SNX29: variants seen among roughly 807,000 people sequenced by gnomAD.
SNX29 encodes the protein sorting nexin 29, also known as sorting nexin-29.
In SNX29, 78 loss-of-function variants were observed where a neutral mutation model predicts 102.1. The observed-to-expected ratio is 0.76, with a 90% CI of 0.64 to 0.92. SNX29 has a LOEUF of 0.92. SNX29 is among the 40% of genes least tolerant of loss of function. The pLI is 0.00. For synonymous variants in SNX29, 580 were observed against 414.5 expected (o/e 1.40, Z -4.85); for missense variants, 1,280 against 1,061.7 (o/e 1.21, Z -2.86).
At chr16:12,422,277 A>G (rs910500589) in intron 18 of SNX29, among the ~76,000 whole-genome samples, 7 of 152,216 alleles carry the variant, frequency 4.6e-5, no homozygotes, top group Admixed American at 1.3e-4. Flanking sequence ...AACAGAGATG[A>G]AAATACCTCC....
At chr16:12,258,006 C>T (rs947507142) in intron 14 of SNX29, among the ~76,000 whole-genome samples, 1 of 152,148 alleles carries the variant, frequency 6.6e-6, no homozygotes, top group African/African-American at 2.4e-5. Flanking sequence ...TGGGTCAGGC[C>T]CCCAGAGTCT....
At chr16:12,237,146 G>C (rs1272472849) in intron 14 of SNX29, among the ~76,000 whole-genome samples, 1 of 152,206 alleles carries the variant, frequency 6.6e-6, no homozygotes, top group East Asian at 1.9e-4. Flanking sequence ...CCAGTCTCCA[G>C]AGTAGGCAGG....
chr16:12,563,437 T>C (rs1285835116), intron 20 of SNX29, among the ~76,000 whole-genome samples: 1 of 152,188 alleles, frequency 6.6e-6, no homozygotes, highest in Non-Finnish European at 1.5e-5. Flanking sequence ...GGTATGTCCT[T>C]TGCAGGTAAA....
intron 11 of SNX29, among the ~76,000 whole-genome samples, chr16:12,117,469 C>T (rs2141314971): frequency 6.6e-6 from 1 of 151,864 alleles, no homozygotes; most frequent in South Asian, 2.1e-4. Context: ...CGCGGACGAA[C>T]CGTGGAAACA....
chr16:12,320,724 G>A (rs936871737), intron 15 of SNX29, among the ~76,000 whole-genome samples: 12 of 152,112 alleles, frequency 7.9e-5, no homozygotes, highest in African/African-American at 1.9e-4. Flanking sequence ...AAATGAGGCC[G>A]ATAAGAGAAC....
chr16:12,569,107 G>A lies in SNX29; in HGVS notation c.*478G>A, dbSNP rs1317161931. 7.8e-6 allele frequency: 1 copy of A among 127,532 alleles called. No individual in the cohort carries two copies. The highest frequency in any genetic ancestry group is 3.6e-5 in the African/African-American group (1 of 28,078). The allele number at this position is 127,532 out of a possible 1,614,324, so 7.9% of individuals were successfully genotyped here. ...AAGGTTATTACCTGGCCTAACCTAG[G>A]GATGGCTGGCTTTGCGGGGGGGGGG... On this transcript the variant is annotated 3_prime_UTR_variant, in exon 21 of 21. Coordinates refer to ENST00000566228, the MANE Select transcript of SNX29 (RefSeq NM_032167.5).
At chr16:12,498,482 A>G (rs887819773) in intron 19 of SNX29, among the ~76,000 whole-genome samples, 1 of 152,232 alleles carries the variant, frequency 6.6e-6, no homozygotes, top group Non-Finnish European at 1.5e-5. Context: ...AAGTAAATAC[A>G]GAGAGGGCTG....
intron 16 of SNX29, among the ~76,000 whole-genome samples, chr16:12,393,412 G>GCATGCATT (rs1555527354): frequency 2.3e-4 from 32 of 138,488 alleles, no homozygotes; most frequent in Non-Finnish European, 2.9e-4. Context: ...ATGCATGCAT[G>GCATGCATT]CATTCATTCA....
intron 4 of SNX29, among the ~76,000 whole-genome samples, chr16:12,031,828 C>CA (rs145510898): frequency 0.45 from 66,976 of 149,636 alleles, 15,390 homozygotes; most frequent in Non-Finnish European, 0.5. Flanking sequence ...GCAAAACGAA[C>CA]AAAAAAAAAA....
Position 12,048,359 on chromosome 16 carries a change from T to C in SNX29, c.500-13T>C. On this transcript the variant is annotated splice_polypyrimidine_tract_variant and intron_variant, in intron 6 of 20. Coordinates refer to ENST00000566228, the MANE Select transcript of SNX29 (RefSeq NM_032167.5). Reference sequence around the variant, plus strand: ...TCAGCAAGCACTCCAGACTTTTCCCTTTTTTTGGGCAGGTCTGAACTCCAT... The same window carrying C: ...TCAGCAAGCACTCCAGACTTTTCCCCTTTTTTGGGCAGGTCTGAACTCCAT... 6.2e-7 allele frequency: 1 copy of C among 1,611,526 alleles called. No individual in the cohort carries two copies. Among genetic ancestry groups the C allele is most frequent in the Non-Finnish European group, 8.5e-7 (1 of 1,178,108 alleles).
chr16:12,078,792 C>T, intron 10 of SNX29, 41 bp from the exon 11 acceptor site: 1 of 1,539,796 alleles, frequency 6.5e-7, no homozygotes, highest in Non-Finnish European at 8.8e-7. Flanking sequence ...TGTGTACTTT[C>T]AGTGGCCGAG....
chr16:12,513,620 C>T (rs992546024), intron 19 of SNX29, among the ~76,000 whole-genome samples: 1 of 152,208 alleles, frequency 6.6e-6, no homozygotes, highest in Non-Finnish European at 1.5e-5. Context: ...ACGCCGTTGC[C>T]CCGCTGATTG....
chr16:12,483,729 C>T (rs1054367518), intron 19 of SNX29, among the ~76,000 whole-genome samples: 2 of 152,184 alleles, frequency 1.3e-5, no homozygotes, highest in Non-Finnish European at 1.5e-5. Flanking sequence ...CTCTGTCCAT[C>T]GTGGGTTGGC....
At chr16:12,361,262 C>T (rs1229810122) in intron 16 of SNX29, among the ~76,000 whole-genome samples, 1 of 152,174 alleles carries the variant, frequency 6.6e-6, no homozygotes, top group African/African-American at 2.4e-5. Context: ...GCTAGCCTTG[C>T]AAGAGAGGGG....
At chr16:12,468,044 C>G (rs1026290488) in intron 18 of SNX29, among the ~76,000 whole-genome samples, 1 of 152,094 alleles carries the variant, frequency 6.6e-6, no homozygotes, top group African/African-American at 2.4e-5. Context: ...CCCTCGTCCT[C>G]CCTGCCCCAG....
intron 18 of SNX29, among the ~76,000 whole-genome samples, chr16:12,466,099 T>C (rs1395719260): frequency 6.6e-6 from 1 of 152,224 alleles, no homozygotes; most frequent in African/African-American, 2.4e-5. Flanking sequence ...CAACGATGTG[T>C]ACTCCTGCCG....
intron 6 of SNX29, among the ~76,000 whole-genome samples, chr16:12,047,130 G>T (rs1426689789): frequency 6.6e-6 from 1 of 152,186 alleles, no homozygotes; most frequent in African/African-American, 2.4e-5. Flanking sequence ...CTGTGAGGTG[G>T]GAATCATGCT....
intron 15 of SNX29, among the ~76,000 whole-genome samples, chr16:12,333,280 G>T (rs891266059): frequency 1.5e-4 from 22 of 151,570 alleles, no homozygotes; most frequent in African/African-American, 5.1e-4. Context: ...TAATTTTTGT[G>T]TATTTTAGTA....
chr16:12,564,935 A>T (rs1453937641), intron 20 of SNX29, among the ~76,000 whole-genome samples: 12 of 744 alleles, frequency 0.016, no homozygotes, highest in Non-Finnish European at 0.055. Context: ...CCTTGGTGTT[A>T]AAAAAAAAAA....
Sources: gnomAD v4.1 joint callset for allele counts (sites outside exome capture counted in the v4.1 genomes callset) on GRCh38, gnomAD v4.1.1 for gene constraint, MANE v1.5 for transcripts, NCBI Gene and HGNC (gene_info 2026-07-23, HGNC 2026-07-21) for gene names.